The following KLHL3 variants were observed in gnomAD, a reference collection of about 807,000 sequenced individuals.
KLHL3 encodes the protein kelch like family member 3, also known as kelch-like protein 3.
In KLHL3, 19 loss-of-function variants were observed where a neutral mutation model predicts 70.5. That is an observed-to-expected ratio of 0.27 (90% CI 0.19 to 0.40). The LOEUF is 0.40. KLHL3 is among the 10% of genes least tolerant of loss of function. The pLI, the probability that KLHL3 is intolerant of heterozygous loss-of-function variation, is 1.00. For synonymous variants in KLHL3, 258 were observed against 290.3 expected, an observed-to-expected ratio of 0.89 and a Z score of 1.13; for missense variants, 512 against 771.1, an observed-to-expected ratio of 0.66 and a Z score of 3.98.
At chr5:137,642,203 G>C (rs1750928805) in intron 8 of KLHL3, among the ~76,000 whole-genome samples, 1 of 152,212 alleles carries the variant, frequency 6.6e-6, no homozygotes, top group Non-Finnish European at 1.5e-5. Context: ...TTTGAAATCT[G>C]ATTTCTGAAG....
intron 1 of KLHL3, among the ~76,000 whole-genome samples, chr5:137,729,204 A>T (rs1382720630): frequency 6.6e-6 from 1 of 152,198 alleles, no homozygotes; most frequent in East Asian, 1.9e-4. Context: ...GCTAGAGATG[A>T]GATGGAATAA....
At chr5:137,660,152 G>C (rs1751436993) in intron 7 of KLHL3, among the ~76,000 whole-genome samples, 2 of 152,208 alleles carry the variant, frequency 1.3e-5, no homozygotes, top group South Asian at 4.1e-4. Flanking sequence ...AAAGGGAGGA[G>C]TCCCACACAA....
intron 2 of KLHL3, among the ~76,000 whole-genome samples, chr5:137,713,153 CAA>C (rs958291877): frequency 5.5e-4 from 21 of 38,466 alleles, no homozygotes; most frequent in African/African-American, 1.4e-3. Flanking sequence ...GAATAACCAG[CAA>C]AAAAAAAAAA....
chr5:137,662,098 G>GT (rs1223971346), intron 6 of KLHL3, 67 bp from the exon 7 acceptor site: 25 of 337,528 alleles, frequency 7.4e-5, no homozygotes, highest in Non-Finnish European at 1.0e-4. Flanking sequence ...CCCTCAATCT[G>GT]TAAAAAAAAA....
In KLHL3 at chr5:137,709,736, G is replaced by T. The variant is rs774771704; in HGVS notation, c.241+14C>A. 3 of 1,591,370 alleles carry T rather than the reference G, an allele frequency of 1.9e-6. No individual in the cohort carries two copies. The highest frequency in any genetic ancestry group is 2.2e-5 in the South Asian group (2 of 90,680). ...GCCCCATAACCATGGGTTAATGGTGGCCACTCACCATACCTGTGAACATCG... is the reference window on the plus strand; with the variant it reads ...GCCCCATAACCATGGGTTAATGGTGTCCACTCACCATACCTGTGAACATCG... On this transcript the variant is annotated intron_variant, in intron 3 of 14. Transcript: ENST00000309755.
intron 4 of KLHL3, among the ~76,000 whole-genome samples, chr5:137,695,117 A>G (rs1167816626): frequency 6.6e-6 from 1 of 152,186 alleles, no homozygotes; most frequent in African/African-American, 2.4e-5. Context: ...TGGTGCTTAA[A>G]TTCTCAAGCT....
chr5:137,691,401 CA>C (rs2149917089), intron 5 of KLHL3, among the ~76,000 whole-genome samples: 1 of 152,246 alleles, frequency 6.6e-6, no homozygotes, highest in Admixed American at 6.5e-5. Flanking sequence ...GAGAAGTCAA[CA>C]AATAATATCT....
intron 6 of KLHL3, among the ~76,000 whole-genome samples, chr5:137,667,573 C>T (rs1751643776): frequency 6.6e-6 from 1 of 152,224 alleles, no homozygotes; most frequent in African/African-American, 2.4e-5. Context: ...AGACCTTCCA[C>T]TCCAACACTC....
intron 12 of KLHL3, among the ~76,000 whole-genome samples, chr5:137,630,668 G>A (rs916459856): frequency 1.3e-5 from 2 of 152,186 alleles, no homozygotes; most frequent in Non-Finnish European, 1.5e-5. Flanking sequence ...TTTGTGGATC[G>A]ACTTGGTTCT....
rs748539604 is a variant in KLHL3, at chr5:137,658,149, A to G, written c.885T>C (p.Thr295=). The G allele has an allele frequency of 1.2e-6, 2 of 1,613,202 alleles. No homozygotes were observed. The highest frequency in any genetic ancestry group is 1.7e-6 in the Non-Finnish European group (2 of 1,179,854). Residue 295 remains threonine (T), a synonymous_variant, in exon 8 of 15, where the codon ACT becomes ACC. Transcript: ENST00000309755. ...LIKNPRTKPR[T]PVSLPKVMIV... ...GGCTTACCTTGGGAAGGCTGACTGGAGTCCTGGGCTTGGTCCTTGGGTTCT... is the reference window on the plus strand; with the variant it reads ...GGCTTACCTTGGGAAGGCTGACTGGGGTCCTGGGCTTGGTCCTTGGGTTCT...
intron 3 of KLHL3, 102 bp from the exon 4 acceptor site, chr5:137,698,510 C>A: frequency 7.2e-7 from 1 of 1,389,246 alleles, no homozygotes; most frequent in Non-Finnish European, 9.9e-7. Context: ...AAAAGCACTT[C>A]CTGGGCTCCA....
In KLHL3 at chr5:137,685,069, G is replaced by A. The variant is rs148698887; in HGVS notation, c.526+7216C>T. On this transcript the variant is annotated intron_variant, in intron 5 of 14. Transcript: ENST00000309755. ...AAGTTGTGCTCTCGCTGGAAAAGCC[G>A]AGGACCTATCAGAAGGCAAGACTGG... 1.4e-3 allele frequency among the ~76,000 whole-genome samples: 210 copies of A among 152,322 alleles called. 5 individuals carry two copies. In the Middle Eastern group the frequency reaches 0.024, roughly 17 times the overall value.
chr5:137,691,821 T>C (rs547908354), intron 5 of KLHL3, among the ~76,000 whole-genome samples: 2 of 151,458 alleles, frequency 1.3e-5, no homozygotes, highest in Non-Finnish European at 2.9e-5. Flanking sequence ...GGTTTCACCG[T>C]GTTAGCCAGG....
intron 14 of KLHL3, among the ~76,000 whole-genome samples, chr5:137,624,497 C>A (rs1750405792): frequency 6.6e-6 from 1 of 152,080 alleles, no homozygotes; most frequent in South Asian, 2.1e-4. Flanking sequence ...GAAAAAAACT[C>A]TAAAGGAAGA....
intron 2 of KLHL3, among the ~76,000 whole-genome samples, chr5:137,711,163 C>T (rs533235441): frequency 8.5e-5 from 13 of 152,302 alleles, no homozygotes; most frequent in East Asian, 5.8e-4. Flanking sequence ...CCATGGTTGA[C>T]GGATGGAAGA....
intron 1 of KLHL3, among the ~76,000 whole-genome samples, chr5:137,726,757 T>C (rs958159069): frequency 6.6e-6 from 1 of 152,184 alleles, no homozygotes; most frequent in Admixed American, 6.5e-5. Context: ...TAGGTCCTCA[T>C]GACATATTTG....
At position 137,619,327 on chromosome 5, in the gene KLHL3, T is replaced by A. The variant is rs550047023; in HGVS notation, c.*2771A>T. On this transcript the variant is annotated 3_prime_UTR_variant, in exon 15 of 15. Transcript: ENST00000309755. ...TACTGCAACTTTGTAGATGGAGAGA[T>A]GCCATTGGGTACTTATGAGAAATAA... 4 of 152,790 alleles carry A rather than the reference T, an allele frequency of 2.6e-5. No individual in the cohort carries two copies. In the South Asian group the frequency reaches 8.3e-4, roughly 32 times the overall value. 9.5% of individuals were successfully genotyped at this position (152,790 alleles called of 1,614,324 possible). A position where few individuals can be genotyped will look rare whatever the true frequency, so the allele number is the denominator to read the frequency against.
rs115131613 is a variant in KLHL3 at position 137,689,086 on chromosome 5, G to T, written c.526+3199C>A. ...AGAAGAGCCTGGGAGCCCTAATAAAGGTGGGGATTCACATTAGAGAAATGC... is the reference window on the plus strand; with the variant it reads ...AGAAGAGCCTGGGAGCCCTAATAAATGTGGGGATTCACATTAGAGAAATGC... On this transcript the variant is annotated intron_variant, in intron 5 of 14. Coordinates refer to ENST00000309755, the MANE Select transcript of KLHL3 (RefSeq NM_017415.3). 8.2e-3 allele frequency among the ~76,000 whole-genome samples: 1,253 copies of T among 152,318 alleles called. 25 individuals are homozygous for T. Among genetic ancestry groups the T allele is most frequent in the African/African-American group, 0.029 (1,197 of 41,566 alleles).
intron 1 of KLHL3, among the ~76,000 whole-genome samples, chr5:137,727,325 A>G (rs943123350): frequency 1.3e-5 from 2 of 151,984 alleles, no homozygotes; most frequent in African/African-American, 4.8e-5. Context: ...TTTCGCTACC[A>G]TTACAACCCC....
Sources: allele counts gnomAD v4.1 joint callset (sites outside exome capture counted in the v4.1 genomes callset), GRCh38; gene constraint gnomAD v4.1.1; transcripts MANE v1.5; gene names NCBI Gene and HGNC (gene_info 2026-07-23, HGNC 2026-07-21).